The following CNTN5 variants were observed in gnomAD, a reference collection of about 807,000 sequenced individuals.
CNTN5 encodes the protein contactin-5.
A neutral mutation model predicts 129.1 loss-of-function variants in CNTN5; 77 were observed. The observed-to-expected ratio is 0.60, with a 90% CI of 0.50 to 0.72. The LOEUF is 0.72. CNTN5 is among the 30% of genes least tolerant of loss of function. The probability of loss-of-function intolerance (pLI) is 0.00; values close to 1 mark genes in which losing one functional copy is unlikely to be tolerated. For missense variants in CNTN5, 1,478 were observed against 1,328.8 expected, an observed-to-expected ratio of 1.11 and a Z score of -1.75; for synonymous variants, 509 against 465.6, an observed-to-expected ratio of 1.09 and a Z score of -1.20.
intron 9 of CNTN5, among the ~76,000 whole-genome samples, chr11:100,023,415 C>T (rs1941264414): frequency 6.6e-6 from 1 of 152,112 alleles, no homozygotes; most frequent in Non-Finnish European, 1.5e-5. Flanking sequence ...TTCCTATATC[C>T]TGTCTGCCCC....
chr11:99,966,085 A>G (rs970134378), intron 8 of CNTN5, among the ~76,000 whole-genome samples: 9 of 152,212 alleles, frequency 5.9e-5, no homozygotes, highest in Admixed American at 1.3e-4. Flanking sequence ...GGGTTTGAAT[A>G]TAAAAATTAT....
At chr11:99,522,104 G>T (rs537729060) in intron 2 of CNTN5, among the ~76,000 whole-genome samples, 2 of 152,150 alleles carry the variant, frequency 1.3e-5, no homozygotes, top group East Asian at 1.9e-4. Flanking sequence ...AGTGGAGGAG[G>T]TTTATTTTCT....
intron 7 of CNTN5, among the ~76,000 whole-genome samples, chr11:99,923,778 T>G (rs1031764702): frequency 6.6e-6 from 1 of 151,476 alleles, no homozygotes; most frequent in African/African-American, 2.4e-5. Flanking sequence ...TATCTATCTA[T>G]CTATCTATCT....
intron 3 of CNTN5, among the ~76,000 whole-genome samples, chr11:99,693,884 G>C (rs935809470): frequency 6.6e-6 from 1 of 152,010 alleles, no homozygotes; most frequent in Admixed American, 6.6e-5. Flanking sequence ...TGATGAAGGA[G>C]ATAGAAACAT....
At chr11:99,979,969 A>C (rs1016297910) in intron 8 of CNTN5, among the ~76,000 whole-genome samples, 1 of 152,198 alleles carries the variant, frequency 6.6e-6, no homozygotes, top group Non-Finnish European at 1.5e-5. Context: ...TATGAGGAGT[A>C]GAGTTGTTAT....
chr11:99,976,943 T>A (rs924667786), intron 8 of CNTN5, among the ~76,000 whole-genome samples: 3 of 152,252 alleles, frequency 2.0e-5, no homozygotes, highest in Non-Finnish European at 4.4e-5. Context: ...GCGTTTATTT[T>A]CTGCTTTCCT....
chr11:99,599,881 A>G (rs1381884535), intron 3 of CNTN5, among the ~76,000 whole-genome samples: 1 of 152,174 alleles, frequency 6.6e-6, no homozygotes, highest in Non-Finnish European at 1.5e-5. Context: ...CTAGATCATT[A>G]ATATTTAATA....
At chr11:99,545,520 G>C (rs1248045747) in intron 2 of CNTN5, among the ~76,000 whole-genome samples, 2 of 151,830 alleles carry the variant, frequency 1.3e-5, no homozygotes. Flanking sequence ...AGTAAATATG[G>C]GTTTATTTCT....
chr11:99,585,850 G>A (rs901807388), intron 3 of CNTN5, among the ~76,000 whole-genome samples: 2 of 152,078 alleles, frequency 1.3e-5, no homozygotes, highest in Admixed American at 1.3e-4. Flanking sequence ...GCAAACCACT[G>A]ATATATCCAA....
chr11:99,403,194 G>T (rs1045302689), intron 2 of CNTN5, among the ~76,000 whole-genome samples: 2 of 151,926 alleles, frequency 1.3e-5, no homozygotes, highest in African/African-American at 2.4e-5. Flanking sequence ...TAGAGATGGG[G>T]TCTCACCATG....
intron 1 of CNTN5, among the ~76,000 whole-genome samples, chr11:99,272,617 T>C (rs1171504981): frequency 6.6e-6 from 1 of 151,734 alleles, no homozygotes; most frequent in African/African-American, 2.4e-5. Context: ...TTCTCACATT[T>C]AGATATATCC....
At chr11:99,406,925 C>T (rs374475568) in intron 2 of CNTN5, among the ~76,000 whole-genome samples, 1 of 151,990 alleles carries the variant, frequency 6.6e-6, no homozygotes, top group East Asian at 2.0e-4. Flanking sequence ...TCTGTCTAGC[C>T]TGGGACTCAC....
At chr11:99,322,005 G>T (rs2135998933) in intron 1 of CNTN5, among the ~76,000 whole-genome samples, 1 of 152,248 alleles carries the variant, frequency 6.6e-6, no homozygotes, top group African/African-American at 2.4e-5. Context: ...AGTGCCTCTT[G>T]CTTACCAAAT....
chr11:100,283,458 T>C (rs1188473573), intron 18 of CNTN5, among the ~76,000 whole-genome samples: 1 of 152,148 alleles, frequency 6.6e-6, no homozygotes, highest in Non-Finnish European at 1.5e-5. Flanking sequence ...AGATGCCACA[T>C]ATTCTCCAAG....
chr11:99,550,832 T>C (rs1218803457), intron 2 of CNTN5, among the ~76,000 whole-genome samples: 2 of 152,186 alleles, frequency 1.3e-5, no homozygotes, highest in South Asian at 2.1e-4. Context: ...GATTCAGTTG[T>C]GTTTGTTACA....
chr11:99,875,071 A>T (rs1948598253), intron 6 of CNTN5, among the ~76,000 whole-genome samples: 1 of 152,188 alleles, frequency 6.6e-6, no homozygotes, highest in South Asian at 2.1e-4. Flanking sequence ...AGAATCAAAT[A>T]TATCAAATTA....
chr11:100,181,582 G>GA (rs1257203652), intron 13 of CNTN5, among the ~76,000 whole-genome samples: 1 of 151,794 alleles, frequency 6.6e-6, no homozygotes, highest in Non-Finnish European at 1.5e-5. Flanking sequence ...AGTCAAACTG[G>GA]AAAAATCTAA....
At chr11:99,719,599 T>G (rs1162269297) in intron 3 of CNTN5, among the ~76,000 whole-genome samples, 2 of 151,918 alleles carry the variant, frequency 1.3e-5, no homozygotes, top group African/African-American at 4.8e-5. Context: ...TACAAAGATC[T>G]CAAATTAACA....
chr11:99,892,098 A>G (rs949895874), intron 6 of CNTN5, among the ~76,000 whole-genome samples: 1 of 152,048 alleles, frequency 6.6e-6, no homozygotes, highest in Non-Finnish European at 1.5e-5. Flanking sequence ...TTTTCTTCGT[A>G]TGTTTGTTGG....
Sources: allele counts gnomAD v4.1 joint callset (sites outside exome capture counted in the v4.1 genomes callset), GRCh38; gene constraint gnomAD v4.1.1; transcripts MANE v1.5; gene names NCBI Gene and HGNC (gene_info 2026-07-23, HGNC 2026-07-21).